The following IL18BP variants were observed in gnomAD, a reference collection of about 807,000 sequenced individuals.
IL18BP encodes the protein interleukin-18-binding protein.
In IL18BP, 23 loss-of-function variants were observed where a neutral mutation model predicts 19.9. The observed-to-expected ratio is 1.15, with a 90% CI of 0.83 to 1.64. The LOEUF (loss-of-function observed/expected upper bound fraction) is 1.64. IL18BP is among the 40% of genes most tolerant of loss of function. IL18BP has a pLI of 0.00. For missense variants in IL18BP, 239 were observed against 240.7 expected (o/e 0.99, Z 0.05); for synonymous variants, 107 against 101.0 (o/e 1.06, Z -0.35).
chr11:72,008,095 A>G (rs140525523), downstream of IL18BP: 97 of 478,490 alleles, frequency 2.0e-4, 1 homozygote, highest in East Asian at 3.0e-3. Flanking sequence ...AACCTACCTC[A>G]GAGGGTTGTT....
chr11:72,003,793 C>G (rs1014021516), downstream of IL18BP: 8 of 1,318,090 alleles, frequency 6.1e-6, no homozygotes, highest in African/African-American at 1.5e-5. Context: ...AGCAGCCTGG[C>G]GTGGCCCCAT....
In IL18BP at chr11:72,001,386, T is replaced by A. The variant is rs1422682562; in HGVS notation, c.360-19T>A. On this transcript the variant is annotated intron_variant, in intron 4 of 5. Transcript: ENST00000393703. ...CCTTCTGCGGCCTTCTCATGACCTT[T>A]CCTTCCCTTCCGCTCCAGCCGGGAA... 1.2e-6 allele frequency: 2 copies of A among 1,614,006 alleles called. No individual in the cohort carries two copies. The highest frequency in any genetic ancestry group is 1.1e-5 in the South Asian group (1 of 91,088).
chr11:72,004,280 C>A, downstream of IL18BP: 2 of 1,613,514 alleles, frequency 1.2e-6, no homozygotes, highest in African/African-American at 1.3e-5. Flanking sequence ...GCTCTGTTTG[C>A]GCCCTTCATG....
downstream of IL18BP, chr11:72,004,290 G>C (rs1955514754): frequency 6.2e-7 from 1 of 1,613,378 alleles, no homozygotes; most frequent in African/African-American, 1.3e-5. Flanking sequence ...CGCCCTTCAT[G>C]TCGGTCTCGG....
downstream of IL18BP, chr11:72,003,905 G>A (rs1440213831): frequency 1.9e-6 from 3 of 1,613,698 alleles, no homozygotes; most frequent in East Asian, 2.2e-5. Context: ...TGGCTCGAGG[G>A]GTGGCACCAA....
At chr11:72,005,364 T>G, downstream of IL18BP, 1 of 1,605,126 alleles carries the variant, frequency 6.2e-7, no homozygotes, top group South Asian at 1.1e-5. Flanking sequence ...TAGAAGCTGT[T>G]CCTTCCTGTG....
chr11:72,001,970 C>T lies in IL18BP; in HGVS notation c.*109C>T, dbSNP rs146326396. On this transcript the variant is annotated 3_prime_UTR_variant, in exon 6 of 6. Coordinates refer to ENST00000393703, the MANE Select transcript of IL18BP (RefSeq NM_001039660.2). ...GCCTGTAGGCTGCGTGGATGCGCAACACACCCCCTCCTTCTCTGCTTTGGG... is the reference window on the plus strand; with the variant it reads ...GCCTGTAGGCTGCGTGGATGCGCAATACACCCCCTCCTTCTCTGCTTTGGG... 213 of 1,475,318 alleles carry T rather than the reference C, an allele frequency of 1.4e-4. No individual in the cohort carries two copies. The African/African-American group carries it at 2.7e-3, about 19-fold the overall frequency. The allele number at this position is 1,475,318 out of a possible 1,614,324, so 91.4% of individuals were successfully genotyped here.
chr11:72,005,601 G>A, downstream of IL18BP: 1 of 545,708 alleles, frequency 1.8e-6, no homozygotes, highest in Non-Finnish European at 3.2e-6. Flanking sequence ...CGCAGAGACT[G>A]CTACTACATC....
In IL18BP at chr11:72,001,844, C is replaced by T. The variant is rs758259162; in HGVS notation, c.568C>T (p.Pro190Ser). 6.2e-7 allele frequency: 1 copy of T among 1,614,168 alleles called. No individual in the cohort carries two copies. The highest frequency in any genetic ancestry group is 8.5e-7 in the Non-Finnish European group (1 of 1,180,018). The change falls in exon 6 of 6, where the codon CCA becomes TCA. Residue 190 changes from proline (P) to serine (S), a missense_variant. Pro to Ser is a moderately conservative substitution (Grantham distance 74). Transcript: ENST00000393703. Reference protein sequence around the residue: ...QEALPSSHSSPQQQG With the variant: ...QEALPSSHSSSQQQG ...AGCCCTGCCCTCCAGCCACAGCAGTCCACAGCAGCAGGGTTAAGACTCAGC... is the reference window on the plus strand; with the variant it reads ...AGCCCTGCCCTCCAGCCACAGCAGTTCACAGCAGCAGGGTTAAGACTCAGC...
downstream of IL18BP, chr11:72,003,975 C>T (rs1244332942): frequency 1.9e-6 from 3 of 1,612,822 alleles, no homozygotes; most frequent in Non-Finnish European, 2.5e-6. Flanking sequence ...ACGGCGGGTT[C>T]CACTGCGAGT....
At position 72,002,310 on chromosome 11, in the gene IL18BP, G is replaced by A. The variant is rs537935058; in HGVS notation, c.*449G>A. ...TTCCTCACCGCCCCAGCAGGGGAAC[G>A]CTCAAGCCTGGTTGAAATGCTGCCT... On this transcript the variant is annotated 3_prime_UTR_variant, in exon 6 of 6. Coordinates refer to ENST00000393703, the MANE Select transcript of IL18BP (RefSeq NM_001039660.2). 2.4e-4 allele frequency: 44 copies of A among 182,366 alleles called. No homozygotes were observed. The highest frequency in any genetic ancestry group is 9.9e-4 in the African/African-American group (42 of 42,464). 11.3% of individuals were successfully genotyped at this position (182,366 alleles called of 1,614,324 possible). A position where few individuals can be genotyped will look rare whatever the true frequency, so the allele number is the denominator to read the frequency against.
At chr11:72,006,146 C>A (rs759887060), downstream of IL18BP, 15 of 1,614,160 alleles carry the variant, frequency 9.3e-6, no homozygotes, top group South Asian at 1.6e-4. Context: ...TCGGGAGAAC[C>A]CAGGCGAGCT....
rs760051244 is a variant in IL18BP at position 72,001,566 on chromosome 11, G to A, written c.507+14G>A. 5 of 1,609,310 alleles carry A rather than the reference G, an allele frequency of 3.1e-6. No individual in the cohort carries two copies. Among genetic ancestry groups the A allele is most frequent in the Middle Eastern group, 1.6e-4 (1 of 6,080 alleles). On this transcript the variant is annotated intron_variant, in intron 5 of 5. Coordinates refer to ENST00000393703, the MANE Select transcript of IL18BP (RefSeq NM_001039660.2). Reference sequence around the variant, plus strand: ...GCCCAGCTCTGGGTGAGGAGCCCAAGGAGAGGCCTCCAGGAACAGGAGGAG... The same window carrying A: ...GCCCAGCTCTGGGTGAGGAGCCCAAAGAGAGGCCTCCAGGAACAGGAGGAG...
downstream of IL18BP, chr11:72,004,850 A>G: frequency 2.6e-6 from 4 of 1,524,820 alleles, no homozygotes; most frequent in Non-Finnish European, 3.5e-6. Context: ...AGTGGACCAT[A>G]GCTGTATGGA....
downstream of IL18BP, chr11:72,003,223 C>A: frequency 2.1e-6 from 1 of 465,992 alleles, no homozygotes. Flanking sequence ...CCCAAGGACC[C>A]AGCCATCAAA....
intron 1 of IL18BP, chr11:71,999,221 TC>T (rs913501388): frequency 5.8e-5 from 28 of 480,170 alleles, no homozygotes; most frequent in African/African-American, 5.1e-4. Flanking sequence ...AACTTGGGGT[TC>T]CCCAGTGCCT....
At chr11:72,005,885 C>A (rs1034687378), downstream of IL18BP, 1 of 683,826 alleles carries the variant, frequency 1.5e-6, no homozygotes. Context: ...TAAGGAAGGC[C>A]CTGAGGCTGC....
intron 3 of IL18BP, 27 bp downstream of exon 3, chr11:72,000,584 G>A (rs763753099): frequency 2.7e-5 from 43 of 1,592,880 alleles, no homozygotes; most frequent in Non-Finnish European, 3.7e-5. Context: ...TGGAGGGTGG[G>A]CTATGGGCAC....
chr11:72,003,775 C>T, downstream of IL18BP: 3 of 1,194,326 alleles, frequency 2.5e-6, no homozygotes, highest in South Asian at 2.6e-5. Context: ...TCTTACCCCA[C>T]ACCCTCCAGC....
Sources: gnomAD v4.1 joint callset for allele counts on GRCh38, gnomAD v4.1.1 for gene constraint, MANE v1.5 for transcripts, NCBI Gene and HGNC (gene_info 2026-07-23, HGNC 2026-07-21) for gene names.